The following DAB1 variants were observed in gnomAD, a reference collection of about 807,000 sequenced individuals.
DAB1 encodes the protein disabled homolog 1.
DAB1 carries 15 observed loss-of-function variants against 64.6 expected under a neutral mutation model. The observed-to-expected ratio is 0.23, with a 90% CI of 0.16 to 0.36. The LOEUF (loss-of-function observed/expected upper bound fraction) is 0.36. DAB1 is among the 10% of genes least tolerant of loss of function. The probability of loss-of-function intolerance (pLI) is 1.00; values close to 1 mark genes in which losing one functional copy is unlikely to be tolerated. For synonymous variants in DAB1, 235 were observed against 251.9 expected (o/e 0.93, Z 0.64); for missense variants, 596 against 706.7 (o/e 0.84, Z 1.78).
At chr1:57,220,643 A>G (rs957380781) in intron 2 of DAB1, among the ~76,000 whole-genome samples, 1 of 152,252 alleles carries the variant, frequency 6.6e-6, no homozygotes, top group African/African-American at 2.4e-5. Context: ...CAACAGACAC[A>G]TGAGAAAATG....
chr1:57,834,789 C>T (rs1311995106), intron 1 of DAB1, among the ~76,000 whole-genome samples: 1 of 151,834 alleles, frequency 6.6e-6, no homozygotes, highest in Non-Finnish European at 1.5e-5. Context: ...GTACAAGATG[C>T]CAGGGAGCAG....
At chr1:58,065,577 G>A (rs1349626940) in intron 5 of DAB1, among the ~76,000 whole-genome samples, 1 of 152,146 alleles carries the variant, frequency 6.6e-6, no homozygotes, top group African/African-American at 2.4e-5. Context: ...TTCATGAGTC[G>A]ATACAAAGGG....
chr1:57,237,072 T>C (rs889872344), intron 2 of DAB1, among the ~76,000 whole-genome samples: 10 of 152,188 alleles, frequency 6.6e-5, no homozygotes, highest in African/African-American at 2.2e-4. Context: ...CCCCCAGAGG[T>C]TTCTGTCCCC....
intron 2 of DAB1, among the ~76,000 whole-genome samples, chr1:57,222,602 C>A (rs888428504): frequency 1.3e-5 from 2 of 152,046 alleles, no homozygotes; most frequent in Non-Finnish European, 2.9e-5. Flanking sequence ...ATGGATACAC[C>A]CAGAGAGGGT....
intron 4 of DAB1, among the ~76,000 whole-genome samples, chr1:58,158,325 A>G (rs888438698): frequency 2.0e-5 from 3 of 152,214 alleles, no homozygotes; most frequent in African/African-American, 7.2e-5. Flanking sequence ...TACTGTGTTT[A>G]GAAGGAAAGC....
intron 6 of DAB1, among the ~76,000 whole-genome samples, chr1:57,784,343 G>A (rs1371913686): frequency 1.3e-5 from 2 of 152,084 alleles, no homozygotes; most frequent in African/African-American, 4.8e-5. Context: ...GCAGTGACTC[G>A]AGATCGCGCC....
chr1:57,523,169 C>T (rs918021473), intron 7 of DAB1, among the ~76,000 whole-genome samples: 13 of 152,252 alleles, frequency 8.5e-5, no homozygotes, highest in African/African-American at 2.2e-4. Flanking sequence ...AGAACCCTGA[C>T]GAATACACCC....
intron 5 of DAB1, among the ~76,000 whole-genome samples, chr1:57,981,748 G>T (rs1458296339): frequency 2.0e-5 from 3 of 152,164 alleles, no homozygotes; most frequent in African/African-American, 7.2e-5. Flanking sequence ...CATAAATTCA[G>T]TGCTGAGCAA....
At chr1:57,246,409 T>C (rs1436932373) in intron 2 of DAB1, among the ~76,000 whole-genome samples, 1 of 152,220 alleles carries the variant, frequency 6.6e-6, no homozygotes, top group East Asian at 1.9e-4. Flanking sequence ...TTCCATGTGG[T>C]GTTGAGCCTG....
chr1:58,454,410 G>A (rs1184844448), intron 3 of DAB1, among the ~76,000 whole-genome samples: 2 of 152,188 alleles, frequency 1.3e-5, no homozygotes, highest in African/African-American at 4.8e-5. Context: ...CTGGGTGGGT[G>A]AGGTCAGGAG....
At chr1:58,027,978 T>C (rs112321312) in intron 5 of DAB1, among the ~76,000 whole-genome samples, 8 of 152,344 alleles carry the variant, frequency 5.3e-5, no homozygotes, top group African/African-American at 1.9e-4. Context: ...TAAGTTTATA[T>C]GCTACTAACT....
chr1:57,806,632 T>G (rs1459588561), intron 6 of DAB1, among the ~76,000 whole-genome samples: 1 of 152,206 alleles, frequency 6.6e-6, no homozygotes, highest in African/African-American at 2.4e-5. Context: ...TTAAGCTGCC[T>G]GGTTTGTGGT....
rs757853821 is a variant in DAB1, at chr1:58,536,501, C to T, written n.33-9166G>A. 16 of 863,656 alleles carry T rather than the reference C, an allele frequency of 1.9e-5. No individual in the cohort carries two copies. The African/African-American group carries it at 2.5e-4, about 13-fold the overall frequency. The allele number at this position is 863,656 out of a possible 1,614,324, so 53.5% of individuals were successfully genotyped here. On this transcript the variant is annotated intron_variant and non_coding_transcript_variant, in intron 1 of 20. Coordinates refer to the DAB1 transcript ENST00000485760. ...TTAAGCAGTCTAATTAAAAACAACT[C>T]TTACTACTTACTGCTTCATATTCCA...
At chr1:57,342,829 C>A (rs962403787) in intron 1 of DAB1, among the ~76,000 whole-genome samples, 2 of 148,996 alleles carry the variant, frequency 1.3e-5, no homozygotes, top group East Asian at 1.9e-4. Context: ...GTTGGTTCCT[C>A]GCGGTGGGTT....
intron 7 of DAB1, among the ~76,000 whole-genome samples, chr1:57,541,290 A>G (rs1644800985): frequency 6.6e-6 from 1 of 151,916 alleles, no homozygotes; most frequent in Non-Finnish European, 1.5e-5. Flanking sequence ...CACCACGCCC[A>G]GCTAATTTTT....
intron 5 of DAB1, among the ~76,000 whole-genome samples, chr1:58,132,173 T>C (rs1288687409): frequency 1.3e-5 from 2 of 152,220 alleles, no homozygotes; most frequent in African/African-American, 2.4e-5. Context: ...CGCCGTTTTT[T>C]AAGCCCGTCG....
chr1:57,528,661 C>CACAA (rs58711371), intron 7 of DAB1, among the ~76,000 whole-genome samples: 1 of 150,050 alleles, frequency 6.7e-6, no homozygotes, highest in Admixed American at 6.6e-5. Flanking sequence ...CACACACACA[C>CACAA]ACACACACAC....
chr1:57,915,632 G>A (rs762237872), intron 5 of DAB1, among the ~76,000 whole-genome samples: 2 of 152,008 alleles, frequency 1.3e-5, no homozygotes, highest in Non-Finnish European at 2.9e-5. Flanking sequence ...GAAGTTATTG[G>A]GCACCACATT....
At chr1:58,269,528 G>A (rs1331110672) in intron 4 of DAB1, among the ~76,000 whole-genome samples, 11 of 87,458 alleles carry the variant, frequency 1.3e-4, no homozygotes, top group Non-Finnish European at 2.1e-4. Context: ...AGTCATTTGG[G>A]TATATACCCA....
Sources: allele counts gnomAD v4.1 joint callset (sites outside exome capture counted in the v4.1 genomes callset), GRCh38; gene constraint gnomAD v4.1.1; transcripts MANE v1.5; gene names NCBI Gene and HGNC (gene_info 2026-07-23, HGNC 2026-07-21).